ELAVL4: variants seen among roughly 807,000 people sequenced by gnomAD.
The protein encoded by ELAVL4 is ELAV-like protein 4.
Under a neutral mutation model 35.6 loss-of-function variants are expected in ELAVL4, and 1 was observed. That is an observed-to-expected ratio of 0.03 (90% CI 0.01 to 0.13). The LOEUF is 0.13. Among genes scored for constraint, ELAVL4 ranks in the 10% least tolerant of loss-of-function variants. The pLI, the probability that ELAVL4 is intolerant of heterozygous loss-of-function variation, is 1.00. For missense variants in ELAVL4, 267 were observed against 464.9 expected, an observed-to-expected ratio of 0.57 and a Z score of 3.91; for synonymous variants, 156 against 171.0, an observed-to-expected ratio of 0.91 and a Z score of 0.69.
chr1:50,048,128 C>G, exon 1 of ELAVL4: 1 of 1,505,946 alleles, frequency 6.6e-7, no homozygotes, highest in South Asian at 1.3e-5. Context: ...CCCCACCCAG[C>G]CTCCGCAGCC....
At chr1:50,088,854 G>C (rs1665365569) in intron 1 of ELAVL4, among the ~76,000 whole-genome samples, 1 of 152,138 alleles carries the variant, frequency 6.6e-6, no homozygotes, top group Non-Finnish European at 1.5e-5. Flanking sequence ...CCAAATACTA[G>C]ACAGCAGAAT....
chr1:50,159,216 A>C (rs1316138450), intron 2 of ELAVL4, among the ~76,000 whole-genome samples: 1 of 152,174 alleles, frequency 6.6e-6, no homozygotes, highest in Middle Eastern at 3.2e-3. Flanking sequence ...TGAGAATTCC[A>C]TCTAAAAATC....
intron 1 of ELAVL4, among the ~76,000 whole-genome samples, chr1:50,133,639 GAA>G (rs1215478266): frequency 1.0e-3 from 150 of 147,530 alleles, no homozygotes; most frequent in African/African-American, 3.5e-3. Flanking sequence ...AAGAAAGAAA[GAA>G]AGAAAGAAAG....
At chr1:50,135,356 G>A (rs559053023) in intron 1 of ELAVL4, among the ~76,000 whole-genome samples, 1 of 152,152 alleles carries the variant, frequency 6.6e-6, no homozygotes, top group Non-Finnish European at 1.5e-5. Context: ...AGTCAGTTCA[G>A]TATCAAAACA....
intron 2 of ELAVL4, among the ~76,000 whole-genome samples, chr1:50,163,083 A>G (rs185731996): frequency 2.6e-5 from 4 of 152,290 alleles, no homozygotes; most frequent in Admixed American, 2.0e-4. Context: ...AAATTTCGTG[A>G]CAGTTCTTTC....
intron 2 of ELAVL4, among the ~76,000 whole-genome samples, chr1:50,148,871 T>G (rs1240474152): frequency 6.6e-6 from 1 of 152,218 alleles, no homozygotes; most frequent in Non-Finnish European, 1.5e-5. Flanking sequence ...GTTTTGGTTT[T>G]GTTTTGTAAA....
At chr1:50,163,736 GA>G (rs1677223489) in intron 2 of ELAVL4, among the ~76,000 whole-genome samples, 1 of 152,192 alleles carries the variant, frequency 6.6e-6, no homozygotes, top group South Asian at 2.1e-4. Flanking sequence ...TAAGGCATGA[GA>G]ATTGCTTGAA....
chr1:50,078,936 C>T (rs928626026), intron 1 of ELAVL4, among the ~76,000 whole-genome samples: 7 of 152,094 alleles, frequency 4.6e-5, no homozygotes, highest in Non-Finnish European at 1.0e-4. Flanking sequence ...TTCATTTTTC[C>T]ATCTCCTACC....
At chr1:50,103,512 T>A (rs1375789462), upstream of ELAVL4, among the ~76,000 whole-genome samples, 1 of 152,192 alleles carries the variant, frequency 6.6e-6, no homozygotes, top group African/African-American at 2.4e-5. Context: ...AGCTTTTACA[T>A]ATAGTATACC....
exon 1 of ELAVL4, chr1:50,048,154 C>G: frequency 1.3e-6 from 2 of 1,521,828 alleles, no homozygotes; most frequent in Non-Finnish European, 1.8e-6. Flanking sequence ...CCGGATCGCC[C>G]GGCGGGGAAG....
intron 2 of ELAVL4, among the ~76,000 whole-genome samples, chr1:50,165,437 T>TATAGATATAGATATAGATATAG (rs1553182936): frequency 6.0e-5 from 9 of 150,452 alleles, no homozygotes; most frequent in African/African-American, 2.2e-4. Flanking sequence ...GATATATATA[T>TATAGATATAGATATAGATATAG]ATATAGATAT....
chr1:50,053,641 A>G (rs568080689), intron 1 of ELAVL4, among the ~76,000 whole-genome samples: 2 of 152,292 alleles, frequency 1.3e-5, no homozygotes, highest in African/African-American at 2.4e-5. Context: ...AGATTGATTG[A>G]TAGATTCAGT....
At chr1:50,107,604 A>G (rs761401552), upstream of ELAVL4, among the ~76,000 whole-genome samples, 1 of 152,176 alleles carries the variant, frequency 6.6e-6, no homozygotes, top group African/African-American at 2.4e-5. Flanking sequence ...TTTGGTCTGT[A>G]TGTCTACTCT....
At position 50,183,644 on chromosome 1, in the gene ELAVL4, G is replaced by T; in HGVS notation, c.354+6452G>T. On this transcript the variant is annotated intron_variant, in intron 3 of 6. Transcript: ENST00000371824. ...GGGGGTCTTTCCACACTTGAGCTTTGCAGGTTCCAGTTTGCCCCTCCCACT... is the reference window on the plus strand; with the variant it reads ...GGGGGTCTTTCCACACTTGAGCTTTTCAGGTTCCAGTTTGCCCCTCCCACT... Among the ~76,000 whole-genome samples the T allele has an allele frequency of 1.3e-5, 2 of 152,096 alleles. 1 individual carries two copies. Among genetic ancestry groups the T allele is most frequent in the East Asian group, 3.9e-4 (2 of 5,180 alleles).
At chr1:50,177,032 CTT>C in intron 2 of ELAVL4, 55 bp from the exon 3 acceptor site, 1 of 1,440,430 alleles carries the variant, frequency 6.9e-7, no homozygotes, top group Non-Finnish European at 9.7e-7. Flanking sequence ...CTCTCTCTCT[CTT>C]TCTCTCTGTC....
intron 2 of ELAVL4, among the ~76,000 whole-genome samples, chr1:50,167,761 A>G (rs937925765): frequency 6.6e-6 from 1 of 152,116 alleles, no homozygotes; most frequent in Non-Finnish European, 1.5e-5. Flanking sequence ...TATCCACTTA[A>G]TTATTAAAAT....
chr1:50,170,110 G>A (rs1472252544), intron 2 of ELAVL4, among the ~76,000 whole-genome samples: 2 of 152,194 alleles, frequency 1.3e-5, no homozygotes, highest in Non-Finnish European at 2.9e-5. Flanking sequence ...GAAGGTTGCG[G>A]TTTCATTGAG....
chr1:50,104,972 C>T (rs1016068043), upstream of ELAVL4, among the ~76,000 whole-genome samples: 1 of 152,044 alleles, frequency 6.6e-6, no homozygotes, highest in Non-Finnish European at 1.5e-5. Flanking sequence ...GGCAGATCTT[C>T]GGGAAAAAGA....
upstream of ELAVL4, chr1:50,105,616 C>A (rs1234113484): frequency 6.6e-6 from 1 of 152,088 alleles, no homozygotes; most frequent in African/African-American, 2.4e-5. Flanking sequence ...TGCACTCTAC[C>A]CACCTGGTGG....
Sources: allele counts gnomAD v4.1 joint callset (sites outside exome capture counted in the v4.1 genomes callset), GRCh38; gene constraint gnomAD v4.1.1; transcripts MANE v1.5; gene names NCBI Gene and HGNC (gene_info 2026-07-23, HGNC 2026-07-21).